Variants in GABRG3 observed in about 807,000 individuals in gnomAD.
GABRG3 encodes gamma-aminobutyric acid type A receptor subunit gamma3.
A neutral mutation model predicts 48.8 loss-of-function variants in GABRG3; 25 were observed. That is an observed-to-expected ratio of 0.51 (90% CI 0.37 to 0.72). The LOEUF (loss-of-function observed/expected upper bound fraction) is 0.72, where lower values mean the gene tolerates loss of function less well. Ranked by LOEUF, GABRG3 falls within the 30% of genes least tolerant of loss-of-function variation. The pLI is 0.00. For missense variants in GABRG3, 394 were observed against 577.9 expected, an observed-to-expected ratio of 0.68 and a Z score of 3.26; for synonymous variants, 227 against 217.6, an observed-to-expected ratio of 1.04 and a Z score of -0.38.
chr15:27,250,640 T>C (rs1046247567), intron 3 of GABRG3, among the ~76,000 whole-genome samples: 1 of 152,214 alleles, frequency 6.6e-6, no homozygotes, highest in Non-Finnish European at 1.5e-5. Flanking sequence ...TTGGCCAGGC[T>C]AGTCCCGAAC....
intron 3 of GABRG3, among the ~76,000 whole-genome samples, chr15:27,135,022 GA>G (rs1860633276): frequency 6.6e-6 from 1 of 152,172 alleles, no homozygotes; most frequent in South Asian, 2.1e-4. Flanking sequence ...TTATGACCTT[GA>G]ATGATAATAT....
chr15:27,408,958 C>T (rs1214592628), intron 5 of GABRG3, among the ~76,000 whole-genome samples: 1 of 152,044 alleles, frequency 6.6e-6, no homozygotes, highest in East Asian at 1.9e-4. Flanking sequence ...TTTACAGAAA[C>T]AATGTTTAAA....
intron 5 of GABRG3, among the ~76,000 whole-genome samples, chr15:27,386,778 T>G (rs375088371): frequency 1.3e-5 from 2 of 152,342 alleles, no homozygotes; most frequent in African/African-American, 4.8e-5. Context: ...TTCAATTTGT[T>G]GTGTGTCCTT....
intron 3 of GABRG3, among the ~76,000 whole-genome samples, chr15:27,273,510 A>G (rs1037326479): frequency 1.3e-5 from 2 of 152,200 alleles, no homozygotes; most frequent in Non-Finnish European, 2.9e-5. Flanking sequence ...TTCAGTAGGT[A>G]GCAAGAACAA....
chr15:27,388,289 A>AGG (rs1896077704), intron 5 of GABRG3, among the ~76,000 whole-genome samples: 1 of 43,848 alleles, frequency 2.3e-5, no homozygotes, highest in Non-Finnish European at 4.3e-5. Context: ...GGAAGGAAGG[A>AGG]AGAAAAGAAG....
intron 5 of GABRG3, among the ~76,000 whole-genome samples, chr15:27,380,756 C>G (rs1310908117): frequency 2.5e-5 from 3 of 118,566 alleles, no homozygotes; most frequent in Non-Finnish European, 4.9e-5. Context: ...GAGAAGTGTT[C>G]TGTGTGGTTT....
In GABRG3 at chr15:26,975,771, C is replaced by T. The variant is rs1348158281; in HGVS notation, c.54-1231C>T. On this transcript the variant is annotated intron_variant, in intron 1 of 9. Coordinates refer to ENST00000615808, the MANE Select transcript of GABRG3 (RefSeq NM_033223.5). The surrounding 1 kb of genome is among the most constrained non-coding windows in gnomAD (Gnocchi z 4.6). ...TCCTGACATGACACTAACATTCTGG[C>T]TCCCATCTGGGAAGCTAAACAGAAA... Among the ~76,000 whole-genome samples the T allele has an allele frequency of 6.6e-6, 1 of 152,210 alleles. No homozygotes were observed. The highest frequency in any genetic ancestry group is 1.5e-5 in the Non-Finnish European group (1 of 68,040).
At chr15:27,462,127 G>A (rs1459479568) in intron 5 of GABRG3, among the ~76,000 whole-genome samples, 1 of 151,942 alleles carries the variant, frequency 6.6e-6, no homozygotes, top group Non-Finnish European at 1.5e-5. Flanking sequence ...TGGTTTCCTG[G>A]AGAAGTCCTC....
At position 27,247,643 on chromosome 15, in the gene GABRG3, C is replaced by T. The variant is rs531391679; in HGVS notation, c.271-79166C>T. On this transcript the variant is annotated intron_variant, in intron 3 of 9. Transcript: ENST00000615808. ...TCCGTTTTCACGCTGCTGGTAAAGA[C>T]GTACTGGAGACTAGGCAAATTAAAA... 7.2e-5 allele frequency among the ~76,000 whole-genome samples: 11 copies of T among 152,232 alleles called. No homozygotes were observed. In the South Asian group the frequency reaches 2.1e-3, roughly 29 times the overall value.
chr15:27,088,733 G>A (rs1897131932), intron 3 of GABRG3, among the ~76,000 whole-genome samples: 1 of 152,130 alleles, frequency 6.6e-6, no homozygotes, highest in African/African-American at 2.4e-5. Flanking sequence ...AGAGCAGCAT[G>A]GGGGAAACCG....
At chr15:26,981,558 T>C (rs1484388079) in intron 2 of GABRG3, among the ~76,000 whole-genome samples, 1 of 152,172 alleles carries the variant, frequency 6.6e-6, no homozygotes, top group East Asian at 1.9e-4. Context: ...AGTTTTCTAT[T>C]GATTATTTGA....
chr15:27,087,303 T>A (rs1897093694), intron 3 of GABRG3, among the ~76,000 whole-genome samples: 1 of 152,176 alleles, frequency 6.6e-6, no homozygotes. Context: ...CTGAGTGGAA[T>A]CCCGGCCTGC....
intron 5 of GABRG3, among the ~76,000 whole-genome samples, chr15:27,360,072 A>G (rs1477492216): frequency 1.3e-5 from 2 of 152,182 alleles, no homozygotes; most frequent in Non-Finnish European, 2.9e-5. Flanking sequence ...GCCACAGTGC[A>G]CTGGGTCAGG....
At chr15:27,429,586 C>G (rs575474008) in intron 5 of GABRG3, among the ~76,000 whole-genome samples, 1 of 152,318 alleles carries the variant, frequency 6.6e-6, no homozygotes, top group South Asian at 2.1e-4. Flanking sequence ...TTCCCATTCT[C>G]TTTCCCCAGA....
intron 3 of GABRG3, among the ~76,000 whole-genome samples, chr15:27,063,352 T>TG (rs1246175091): frequency 6.6e-6 from 1 of 152,230 alleles, no homozygotes; most frequent in Non-Finnish European, 1.5e-5. Context: ...TCCAGATCTC[T>TG]GTTAAAATGC....
chr15:27,285,623 A>G (rs894495438), intron 3 of GABRG3, among the ~76,000 whole-genome samples: 2 of 152,218 alleles, frequency 1.3e-5, no homozygotes, highest in Non-Finnish European at 2.9e-5. Flanking sequence ...TGTAGAAGAG[A>G]TGTCAAGTCT....
chr15:27,421,148 C>T (rs1888101720), intron 5 of GABRG3, among the ~76,000 whole-genome samples: 1 of 152,172 alleles, frequency 6.6e-6, no homozygotes, highest in African/African-American at 2.4e-5. Context: ...TGCTGCTCAC[C>T]ACTGCTGAGC....
intron 5 of GABRG3, among the ~76,000 whole-genome samples, chr15:27,382,796 A>G (rs1895815325): frequency 6.6e-6 from 1 of 152,036 alleles, no homozygotes; most frequent in Admixed American, 6.6e-5. Flanking sequence ...TCATAGTATC[A>G]AGTTGTTGTT....
At chr15:27,248,120 G>C (rs1890324202) in intron 3 of GABRG3, among the ~76,000 whole-genome samples, 1 of 152,210 alleles carries the variant, frequency 6.6e-6, no homozygotes, top group Non-Finnish European at 1.5e-5. Flanking sequence ...TGGCCAAGGA[G>C]TTTCCACCTC....
Sources: allele counts gnomAD v4.1 joint callset (sites outside exome capture counted in the v4.1 genomes callset), GRCh38; gene constraint gnomAD v4.1.1; non-coding constraint Gnocchi (gnomAD v3.1); transcripts MANE v1.5; gene names NCBI Gene and HGNC (gene_info 2026-07-23, HGNC 2026-07-21).